The following CDH13 variants were observed in gnomAD, a reference collection of about 807,000 sequenced individuals.
The protein encoded by CDH13 is cadherin-13.
Under a neutral mutation model 63.8 loss-of-function variants are expected in CDH13, and 24 were observed. The ratio of observed to expected loss-of-function variants is 0.38; its 90% CI spans 0.27 to 0.53. The LOEUF is 0.53. Ranked by LOEUF, CDH13 falls within the 20% of genes least tolerant of loss-of-function variation. The probability of loss-of-function intolerance (pLI) is 0.85; values close to 1 mark genes in which losing one functional copy is unlikely to be tolerated. For missense variants in CDH13, 1,049 were observed against 903.1 expected (o/e 1.16, Z -2.07); for synonymous variants, 503 against 355.3 (o/e 1.42, Z -4.67).
At chr16:83,415,933 G>C (rs1002529033) in intron 6 of CDH13, among the ~76,000 whole-genome samples, 1 of 151,858 alleles carries the variant, frequency 6.6e-6, no homozygotes, top group Non-Finnish European at 1.5e-5. Flanking sequence ...GAAACAAAAG[G>C]GATCCAAAAC....
At chr16:83,021,140 T>C (rs969133736) in intron 2 of CDH13, among the ~76,000 whole-genome samples, 5 of 152,208 alleles carry the variant, frequency 3.3e-5, no homozygotes, top group African/African-American at 1.2e-4. Context: ...TTCTTTCGCT[T>C]AATGGGTGAC....
intron 5 of CDH13, among the ~76,000 whole-genome samples, chr16:83,280,228 A>C (rs2089128226): frequency 6.6e-6 from 1 of 152,226 alleles, no homozygotes; most frequent in Non-Finnish European, 1.5e-5. Flanking sequence ...CAGTCTTCTC[A>C]AACCCTGCTG....
chr16:83,563,889 C>T lies in CDH13; in HGVS notation c.961-38565C>T, dbSNP rs148285261. Among the ~76,000 whole-genome samples, 80 of 152,232 alleles carry T rather than the reference C, an allele frequency of 5.3e-4. No individual in the cohort carries two copies. The East Asian group carries it at 0.014, about 26-fold the overall frequency. ...GTGGGATGGGTCGTTTTGTTTATTC[C>T]GTGAAGTTACTGTGAGTGCACATCC... On this transcript the variant is annotated intron_variant, in intron 7 of 13. Coordinates refer to ENST00000567109, the MANE Select transcript of CDH13 (RefSeq NM_001257.5).
At chr16:83,315,159 A>G (rs571914911) in intron 5 of CDH13, among the ~76,000 whole-genome samples, 3 of 152,310 alleles carry the variant, frequency 2.0e-5, no homozygotes, top group South Asian at 2.1e-4. Flanking sequence ...TATAATTGTG[A>G]TCATCATTTA....
At chr16:82,693,222 A>C (rs1915805597) in intron 1 of CDH13, among the ~76,000 whole-genome samples, 1 of 152,180 alleles carries the variant, frequency 6.6e-6, no homozygotes, top group South Asian at 2.1e-4. Context: ...TGAAGCAGAG[A>C]AGATAGCTAA....
At chr16:82,703,443 T>C (rs558888587) in intron 1 of CDH13, among the ~76,000 whole-genome samples, 95 of 152,220 alleles carry the variant, frequency 6.2e-4, no homozygotes, top group Middle Eastern at 3.4e-3. Flanking sequence ...CAGGGATGAA[T>C]ACAGATGGAG....
At chr16:83,342,145 T>G (rs2090739188) in intron 5 of CDH13, among the ~76,000 whole-genome samples, 1 of 152,192 alleles carries the variant, frequency 6.6e-6, no homozygotes, top group Non-Finnish European at 1.5e-5. Flanking sequence ...CTAGTTTGAC[T>G]GGAGTACTGA....
intron 4 of CDH13, among the ~76,000 whole-genome samples, chr16:83,164,536 C>T (rs1444658098): frequency 2.0e-5 from 3 of 151,952 alleles, no homozygotes; most frequent in African/African-American, 7.2e-5. Context: ...GCCTGGCCAA[C>T]ATGGTGAAAC....
intron 1 of CDH13, among the ~76,000 whole-genome samples, chr16:82,792,528 T>C (rs1338695147): frequency 1.3e-5 from 2 of 152,164 alleles, no homozygotes; most frequent in African/African-American, 4.8e-5. Flanking sequence ...ATAAGTTCTC[T>C]CCAAGTCATT....
intron 6 of CDH13, among the ~76,000 whole-genome samples, chr16:83,350,643 C>T (rs760734981): frequency 3.3e-5 from 5 of 152,136 alleles, no homozygotes; most frequent in South Asian, 2.1e-4. Flanking sequence ...CTGGACCTGG[C>T]AGGTGCTGCT....
chr16:82,868,783 T>A (rs1210792271), intron 2 of CDH13, among the ~76,000 whole-genome samples: 1 of 152,238 alleles, frequency 6.6e-6, no homozygotes, highest in East Asian at 1.9e-4. Context: ...ATTTAGAATT[T>A]CACCTTTAGA....
At chr16:83,269,778 A>G (rs895849694) in intron 5 of CDH13, among the ~76,000 whole-genome samples, 1 of 152,146 alleles carries the variant, frequency 6.6e-6, no homozygotes, top group Non-Finnish European at 1.5e-5. Context: ...GTAATCCTAG[A>G]CATATGGACA....
chr16:83,676,670 A>G (rs549331186), intron 9 of CDH13, among the ~76,000 whole-genome samples: 1 of 152,318 alleles, frequency 6.6e-6, no homozygotes, highest in African/African-American at 2.4e-5. Context: ...AACTCTTAAA[A>G]TCCTATTACT....
chr16:83,267,323 G>T (rs77430943), intron 5 of CDH13, among the ~76,000 whole-genome samples: 1 of 152,052 alleles, frequency 6.6e-6, no homozygotes, highest in Non-Finnish European at 1.5e-5. Flanking sequence ...TTATCATTCA[G>T]AGCCCGGCTG....
At chr16:83,787,646 A>G (rs1257471000) in intron 13 of CDH13, among the ~76,000 whole-genome samples, 1 of 152,182 alleles carries the variant, frequency 6.6e-6, no homozygotes, top group African/African-American at 2.4e-5. Flanking sequence ...CCACTGCTCT[A>G]CAAGCAATGC....
At chr16:83,725,150 T>C (rs192539629) in intron 10 of CDH13, among the ~76,000 whole-genome samples, 7 of 152,222 alleles carry the variant, frequency 4.6e-5, no homozygotes, top group African/African-American at 1.7e-4. Context: ...GAAAGGCACA[T>C]CAGTCAAAGT....
At chr16:82,665,808 A>C (rs1912514841) in intron 1 of CDH13, among the ~76,000 whole-genome samples, 1 of 152,162 alleles carries the variant, frequency 6.6e-6, no homozygotes, top group Non-Finnish European at 1.5e-5. Context: ...ATATGTGCTT[A>C]GAGCACTTGC....
At chr16:83,454,269 G>T (rs72806398) in intron 6 of CDH13, among the ~76,000 whole-genome samples, 2 of 152,182 alleles carry the variant, frequency 1.3e-5, no homozygotes, top group African/African-American at 4.8e-5. Context: ...GCTTGTGGGT[G>T]TCTGAGAAAA....
intron 1 of CDH13, among the ~76,000 whole-genome samples, chr16:82,812,764 T>G (rs938630368): frequency 6.8e-6 from 1 of 146,158 alleles, no homozygotes; most frequent in South Asian, 2.1e-4. Context: ...GAAAACAAAG[T>G]TTTTTTTTTC....
Sources: gnomAD v4.1 joint callset for allele counts (sites outside exome capture counted in the v4.1 genomes callset) on GRCh38, gnomAD v4.1.1 for gene constraint, MANE v1.5 for transcripts, NCBI Gene and HGNC (gene_info 2026-07-23, HGNC 2026-07-21) for gene names.